Variants in MICU1 observed in about 807,000 individuals in gnomAD.
The protein encoded by MICU1 is calcium uptake protein 1, mitochondrial.
MICU1 carries 45 observed loss-of-function variants against 56.8 expected under a neutral mutation model. The observed-to-expected ratio is 0.79, with a 90% CI of 0.62 to 1.02. The LOEUF (loss-of-function observed/expected upper bound fraction) is 1.02. Ranked by LOEUF, MICU1 falls within the 50% of genes least tolerant of loss-of-function variation. The probability of loss-of-function intolerance (pLI) is 0.00; values close to 1 mark genes in which losing one functional copy is unlikely to be tolerated. For synonymous variants in MICU1, 186 were observed against 195.1 expected, an observed-to-expected ratio of 0.95 and a Z score of 0.39; for missense variants, 504 against 587.1, an observed-to-expected ratio of 0.86 and a Z score of 1.46.
chr10:72,542,009 A>G (rs1839784654), intron 4 of MICU1, among the ~76,000 whole-genome samples: 1 of 152,208 alleles, frequency 6.6e-6, no homozygotes, highest in African/African-American at 2.4e-5. Flanking sequence ...AACTTATAAA[A>G]CTTATACAAA....
At chr10:72,467,773 A>C (rs1342104714) in intron 8 of MICU1, 4 of 151,754 alleles carry the variant, frequency 2.6e-5, no homozygotes, top group African/African-American at 9.7e-5. Context: ...ATCATACCTA[A>C]TTTACCTTTA....
chr10:72,395,199 T>C (rs914238859), intron 10 of MICU1, among the ~76,000 whole-genome samples: 1 of 151,862 alleles, frequency 6.6e-6, no homozygotes, highest in Non-Finnish European at 1.5e-5. Flanking sequence ...GTATTTTCAG[T>C]AGAGACGGGG....
intron 9 of MICU1, 96 bp downstream of exon 9, chr10:72,423,138 C>T (rs563550986): frequency 1.3e-5 from 19 of 1,473,720 alleles, no homozygotes; most frequent in Non-Finnish European, 1.6e-5. Flanking sequence ...ATCATTGGTT[C>T]ATGAAATACT....
At chr10:72,600,292 CAAAAAA>C (rs57782974) in intron 1 of MICU1, among the ~76,000 whole-genome samples, 1 of 122,380 alleles carries the variant, frequency 8.2e-6, no homozygotes, top group Non-Finnish European at 1.7e-5. Context: ...AACTCCATCT[CAAAAAA>C]AAAAAAAAAA....
intron 1 of MICU1, among the ~76,000 whole-genome samples, chr10:72,606,128 C>T (rs1841683258): frequency 1.1e-5 from 1 of 89,794 alleles, no homozygotes; most frequent in African/African-American, 4.1e-5. Flanking sequence ...GAGACTCCAT[C>T]TCAAAAAAAA....
intron 1 of MICU1, among the ~76,000 whole-genome samples, chr10:72,577,843 G>A (rs911012571): frequency 6.6e-6 from 1 of 152,102 alleles, no homozygotes; most frequent in Non-Finnish European, 1.5e-5. Context: ...GATGAACTTT[G>A]TTCTTCTGGA....
At chr10:72,385,100 T>C (rs190820075) in intron 10 of MICU1, among the ~76,000 whole-genome samples, 1 of 152,176 alleles carries the variant, frequency 6.6e-6, no homozygotes, top group East Asian at 1.9e-4. Context: ...CTAGCAGCAG[T>C]AGGTGCCAGG....
intron 4 of MICU1, among the ~76,000 whole-genome samples, chr10:72,544,175 G>A (rs2132430185): frequency 6.6e-6 from 1 of 152,242 alleles, no homozygotes; most frequent in East Asian, 1.9e-4. Flanking sequence ...CGTACCCGCT[G>A]CTTGCTCAAT....
At chr10:72,566,840 T>G (rs374349794) in intron 1 of MICU1, 46 bp from the exon 2 acceptor site, 3 of 1,154,508 alleles carry the variant, frequency 2.6e-6, no homozygotes, top group Non-Finnish European at 3.6e-6. Flanking sequence ...GTGGTAGTTA[T>G]GATGATGATG....
Position 72,392,336 on chromosome 10 carries a change from T to A in MICU1, c.1180+15593A>T, listed in dbSNP as rs142335476. Among the ~76,000 whole-genome samples, 484 of 152,184 alleles carry A rather than the reference T, an allele frequency of 3.2e-3. 3 individuals carry two copies. The highest frequency in any genetic ancestry group is 5.2e-3 in the Non-Finnish European group (353 of 68,006). On this transcript the variant is annotated intron_variant, in intron 10 of 11. Transcript: ENST00000361114. ...CTGTAATCCTAGCACTTTGGGAAGC[T>A]GAGGTGGGCGATCATTTGAGGTCAG...
Position 72,431,090 on chromosome 10 carries a change from G to GTCTATCTA in MICU1, c.934-7720_934-7719insTAGATAGA, listed in dbSNP as rs578019162. Among the ~76,000 whole-genome samples the GTCTATCTA allele has an allele frequency of 3.4e-3, 349 of 102,000 alleles. 2 individuals carry two copies. Among genetic ancestry groups the GTCTATCTA allele is most frequent in the Middle Eastern group, 0.015 (3 of 200 alleles). The allele number at this position is 102,000 out of a possible 152,430, so 66.9% of individuals were successfully genotyped here. ...TACTGCTTTGAATATACCTTTATCT[G>GTCTATCTA]TCTGTCTATCTATCTATCTATCTAT... On this transcript the variant is annotated intron_variant, in intron 8 of 11. Coordinates refer to ENST00000361114, the MANE Select transcript of MICU1 (RefSeq NM_001195518.2).
chr10:72,494,724 G>C (rs1866779499), intron 6 of MICU1, among the ~76,000 whole-genome samples: 1 of 151,470 alleles, frequency 6.6e-6, no homozygotes, highest in Non-Finnish European at 1.5e-5. Context: ...TAAGAAGATT[G>C]TGAGACTTTT....
At chr10:72,498,871 G>A (rs1045473260) in intron 6 of MICU1, among the ~76,000 whole-genome samples, 19 of 152,088 alleles carry the variant, frequency 1.2e-4, no homozygotes, top group Admixed American at 4.6e-4. Context: ...TGACCACCTC[G>A]TTCCATACTC....
At chr10:72,446,333 C>T (rs546250631) in intron 8 of MICU1, among the ~76,000 whole-genome samples, 3 of 150,044 alleles carry the variant, frequency 2.0e-5, no homozygotes, top group East Asian at 1.9e-4. Context: ...ATTTTTGTTT[C>T]GTTTTTTTGA....
intron 2 of MICU1, among the ~76,000 whole-genome samples, chr10:72,564,544 G>GAAAAAAAAAAAAAAAAAAA (rs11465166): frequency 9.3e-6 from 1 of 107,398 alleles, no homozygotes. Context: ...ATCTCAAAAA[G>GAAAAAAAAAAAAAAAAAAA]AAAAAAAAAA....
intron 10 of MICU1, among the ~76,000 whole-genome samples, chr10:72,384,869 A>G (rs1016682302): frequency 1.3e-5 from 2 of 152,178 alleles, no homozygotes; most frequent in Admixed American, 1.3e-4. Context: ...TGATGAACTG[A>G]AGTGCAAGAG....
chr10:72,555,216 A>T (rs1840131039), intron 3 of MICU1, among the ~76,000 whole-genome samples: 1 of 152,212 alleles, frequency 6.6e-6, no homozygotes, highest in South Asian at 2.1e-4. Flanking sequence ...CCCCTAAGAA[A>T]GAGGGGCTAT....
At chr10:72,468,547 C>T (rs1865862124) in intron 8 of MICU1, among the ~76,000 whole-genome samples, 1 of 151,668 alleles carries the variant, frequency 6.6e-6, no homozygotes. Flanking sequence ...TAAAAACCAA[C>T]CTTATATTCT....
rs538520622 is a variant in MICU1, at chr10:72,610,240, GAC to G, written c.-2+15768_-2+15769del. On this transcript the variant is annotated intron_variant, in intron 1 of 11. Coordinates refer to ENST00000361114, the MANE Select transcript of MICU1 (RefSeq NM_001195518.2). ...CACACCACTGTACTCCAGCATAAGTGACAGAGTGACATACTCTCCAAAAAAAA... is the reference window on the plus strand; with the variant it reads ...CACACCACTGTACTCCAGCATAAGTGAGAGTGACATACTCTCCAAAAAAAA... Among the ~76,000 whole-genome samples the G allele has an allele frequency of 5.1e-4, 62 of 122,178 alleles. 1 individual carries two copies. In the South Asian group the frequency reaches 0.016, roughly 31 times the overall value. The allele number at this position is 122,178 out of a possible 152,430, so 80.2% of individuals were successfully genotyped here. A position where few individuals can be genotyped will look rare whatever the true frequency, so the allele number is the denominator to read the frequency against.
Sources: allele counts gnomAD v4.1 joint callset (sites outside exome capture counted in the v4.1 genomes callset), GRCh38; gene constraint gnomAD v4.1.1; transcripts MANE v1.5; gene names NCBI Gene and HGNC (gene_info 2026-07-23, HGNC 2026-07-21).